The following DIPK1A variants were observed in gnomAD, a reference collection of about 807,000 sequenced individuals.
The protein encoded by DIPK1A is divergent protein kinase domain 1A.
A neutral mutation model predicts 40.8 loss-of-function variants in DIPK1A; 27 were observed. That is an observed-to-expected ratio of 0.66 (90% CI 0.49 to 0.91). The LOEUF is 0.91. DIPK1A is among the 40% of genes least tolerant of loss of function. The probability of loss-of-function intolerance (pLI) is 0.00; values close to 1 mark genes in which losing one functional copy is unlikely to be tolerated. For missense variants in DIPK1A, 412 were observed against 505.7 expected, an observed-to-expected ratio of 0.81 and a Z score of 1.78; for synonymous variants, 166 against 171.3, an observed-to-expected ratio of 0.97 and a Z score of 0.24.
downstream of DIPK1A, among the ~76,000 whole-genome samples, chr1:92,838,693 A>G (rs1212344921): frequency 1.3e-5 from 2 of 152,216 alleles, no homozygotes; most frequent in African/African-American, 4.8e-5. Flanking sequence ...TTCAGGCATT[A>G]TCTACATGTC....
At chr1:92,904,482 C>A (rs958424651) in intron 1 of DIPK1A, among the ~76,000 whole-genome samples, 9 of 151,988 alleles carry the variant, frequency 5.9e-5, no homozygotes, top group African/African-American at 2.2e-4. Context: ...ACAGCATATA[C>A]CTATAAGCAA....
chr1:92,932,649 C>T (rs1047617446), intron 1 of DIPK1A: 5 of 152,138 alleles, frequency 3.3e-5, no homozygotes, highest in African/African-American at 1.2e-4. Flanking sequence ...ATTTGTCAGA[C>T]ATACCCTACC....
At chr1:92,913,585 T>C (rs988971448) in intron 1 of DIPK1A, among the ~76,000 whole-genome samples, 31 of 152,352 alleles carry the variant, frequency 2.0e-4, no homozygotes, top group African/African-American at 7.2e-4. Flanking sequence ...GCAAATTAAA[T>C]AATCTCTAAA....
At chr1:92,856,035 C>A (rs961805642) in intron 2 of DIPK1A, among the ~76,000 whole-genome samples, 1 of 152,092 alleles carries the variant, frequency 6.6e-6, no homozygotes, top group Non-Finnish European at 1.5e-5. Context: ...TGTGATTGTG[C>A]CACTGCACTC....
chr1:92,876,291 C>A lies in DIPK1A; in HGVS notation c.189+5G>T, dbSNP rs1005412040. 3 of 1,486,650 alleles carry A rather than the reference C, an allele frequency of 2.0e-6. No individual in the cohort carries two copies. Among genetic ancestry groups the A allele is most frequent in the Non-Finnish European group, 1.8e-6 (2 of 1,103,672 alleles). 92.1% of individuals were successfully genotyped at this position (1,486,650 alleles called of 1,614,324 possible). A position where few individuals can be genotyped will look rare whatever the true frequency, so the allele number is the denominator to read the frequency against. The stretch of plus-strand genomic sequence containing the variant: ...TTTAGTAAACAGGAAATTTAAAATA[C>A]TTACTATTATTTTCTTACAGTCCTT... On this transcript the variant is annotated splice_donor_5th_base_variant and intron_variant, in intron 2 of 4. Transcript: ENST00000370310.
intron 1 of DIPK1A, among the ~76,000 whole-genome samples, chr1:92,892,250 C>T (rs1648925736): frequency 6.6e-6 from 1 of 152,094 alleles, no homozygotes. Flanking sequence ...AACTGGGAGG[C>T]ACCCCGCAGT....
At chr1:92,857,111 T>G (rs1278748082) in intron 2 of DIPK1A, among the ~76,000 whole-genome samples, 1 of 152,188 alleles carries the variant, frequency 6.6e-6, no homozygotes. Flanking sequence ...CCCTGCCACA[T>G]GCAGTGAAAG....
intron 1 of DIPK1A, among the ~76,000 whole-genome samples, chr1:92,934,988 A>T (rs1385311099): frequency 6.6e-6 from 1 of 152,230 alleles, no homozygotes; most frequent in African/African-American, 2.4e-5. Flanking sequence ...TTCTGACAAC[A>T]AATGTGCTCT....
intron 4 of DIPK1A, chr1:92,833,329 A>G: frequency 7.5e-7 from 1 of 1,331,362 alleles, no homozygotes; most frequent in South Asian, 1.2e-5. Flanking sequence ...TGGTTAATTT[A>G]TGTCAAAAGT....
At chr1:92,959,448 CTTT>C (rs1012376544) in intron 1 of DIPK1A, among the ~76,000 whole-genome samples, 3 of 115,456 alleles carry the variant, frequency 2.6e-5, no homozygotes, top group Non-Finnish European at 3.6e-5. Context: ...CAGTAAAACA[CTTT>C]TTTTTTTTTT....
chr1:92,946,943 CAAAAA>C (rs36065493), intron 1 of DIPK1A, among the ~76,000 whole-genome samples: 1 of 108,438 alleles, frequency 9.2e-6, no homozygotes. Flanking sequence ...GACCCTGTCT[CAAAAA>C]AAAAAAAAAA....
At chr1:92,906,678 T>TG (rs1168494430) in intron 1 of DIPK1A, among the ~76,000 whole-genome samples, 1 of 151,944 alleles carries the variant, frequency 6.6e-6, no homozygotes, top group African/African-American at 2.4e-5. Context: ...TGCAGATGAG[T>TG]GAAAAAAAGG....
intron 4 of DIPK1A, chr1:92,834,669 T>C: frequency 7.0e-7 from 1 of 1,436,572 alleles, no homozygotes; most frequent in Non-Finnish European, 9.7e-7. Context: ...GCATTTTAAG[T>C]GATGTTCATC....
intron 1 of DIPK1A, among the ~76,000 whole-genome samples, chr1:92,901,289 T>C (rs1208767793): frequency 2.0e-5 from 3 of 151,898 alleles, no homozygotes; most frequent in Non-Finnish European, 4.4e-5. Context: ...GTAGCAGTGC[T>C]GGGTTCTGGG....
intron 1 of DIPK1A, among the ~76,000 whole-genome samples, chr1:92,942,927 T>C (rs540581027): frequency 1.3e-5 from 2 of 152,336 alleles, no homozygotes; most frequent in Admixed American, 1.3e-4. Flanking sequence ...CCTCCCAAAG[T>C]GTTGGGAATA....
rs532613329 is a variant in DIPK1A at position 92,870,824 on chromosome 1, C to G, written c.189+5472G>C. Among the ~76,000 whole-genome samples the G allele has an allele frequency of 1.4e-4, 22 of 152,266 alleles. 2 individuals are homozygous for G. In the East Asian group the frequency reaches 3.7e-3, roughly 25 times the overall value. On this transcript the variant is annotated intron_variant, in intron 2 of 4. Coordinates refer to ENST00000370310, the MANE Select transcript of DIPK1A (RefSeq NM_001006605.5). ...TCGGGGTAAAGGTGGGAATCTGCTT[C>G]CACTGACTGGTCAGTGAGGGGGATA... is the stretch of plus-strand genomic sequence containing the variant.
chr1:92,845,333 CT>C (rs1307964883), intron 4 of DIPK1A, among the ~76,000 whole-genome samples: 1 of 105,538 alleles, frequency 9.5e-6, no homozygotes, highest in Non-Finnish European at 1.8e-5. Flanking sequence ...AACTGCTATG[CT>C]TTTTTTCCCG....
Position 92,834,586 on chromosome 1 carries a change from T to G in DIPK1A, c.475-1552A>C, listed in dbSNP as rs536918861. The stretch of plus-strand genomic sequence containing the variant: ...AGTTATGTTTAGTTCAAAAGATGAT[T>G]GAAATATTTGGGTATTCCTCTTTGA... On this transcript the variant is annotated intron_variant, in intron 4 of 4. Coordinates refer to the DIPK1A transcript ENST00000615519. Among the ~76,000 whole-genome samples the G allele has an allele frequency of 1.1e-3, 160 of 152,342 alleles. 1 individual carries two copies. The highest frequency in any genetic ancestry group is 3.7e-3 in the African/African-American group (155 of 41,588).
Position 92,833,307 on chromosome 1 carries a change from T to TA in DIPK1A, c.475-274dup, listed in dbSNP as rs555012303. The TA allele has an allele frequency of 3.3e-4, 375 of 1,149,874 alleles. 2 individuals are homozygous for TA. In the African/African-American group the frequency reaches 5.1e-3, roughly 16 times the overall value. The allele number at this position is 1,149,874 out of a possible 1,614,324, so 71.2% of individuals were successfully genotyped here. On this transcript the variant is annotated intron_variant, in intron 4 of 4. Transcript: ENST00000615519. ...CTGTTTACTCTTGAAGTTCAAGTGT[T>TA]ACTTTGTTACATGGTTAATTTATGT...
Sources: gnomAD v4.1 joint callset for allele counts (sites outside exome capture counted in the v4.1 genomes callset) on GRCh38, gnomAD v4.1.1 for gene constraint, MANE v1.5 for transcripts, NCBI Gene and HGNC (gene_info 2026-07-23, HGNC 2026-07-21) for gene names.